The following SRP19 variants were observed in gnomAD, a reference collection of about 807,000 sequenced individuals.
SRP19 encodes the protein signal recognition particle 19.
A neutral mutation model predicts 22.4 loss-of-function variants in SRP19; 11 were observed. The observed-to-expected ratio is 0.49, with a 90% CI of 0.31 to 0.81. The LOEUF (loss-of-function observed/expected upper bound fraction) is 0.81. Ranked by LOEUF, SRP19 falls within the 40% of genes least tolerant of loss-of-function variation. The probability of loss-of-function intolerance (pLI) is 0.05; values close to 1 mark genes in which losing one functional copy is unlikely to be tolerated. For synonymous variants in SRP19, 61 were observed against 57.6 expected (o/e 1.06, Z -0.27); for missense variants, 168 against 175.9 (o/e 0.96, Z 0.25).
exon 5 of SRP19, chr5:112,892,723 T>G (rs1210029287): frequency 9.9e-6 from 16 of 1,613,910 alleles, no homozygotes; most frequent in Non-Finnish European, 1.4e-5. Flanking sequence ...TGGCTCCTCC[T>G]TTGGCAAGAA....
Position 112,867,664 on chromosome 5 carries a change from C to A in SRP19, c.*127C>A. 7.3e-7 allele frequency: 1 copy of A among 1,369,638 alleles called. No individual in the cohort carries two copies. The highest frequency in any genetic ancestry group is 9.5e-7 in the Non-Finnish European group (1 of 1,056,718). 84.8% of individuals were successfully genotyped at this position (1,369,638 alleles called of 1,614,324 possible). A position where few individuals can be genotyped will look rare whatever the true frequency, so the allele number is the denominator to read the frequency against. ...AACTGAACTGTGAACCCTTGTGCCTCTCATCTTTATCATCGGAGTTGACAG... is the reference window on the plus strand; with the variant it reads ...AACTGAACTGTGAACCCTTGTGCCTATCATCTTTATCATCGGAGTTGACAG... On this transcript the variant is annotated 3_prime_UTR_variant, in exon 5 of 5. Transcript: ENST00000505459.
intron 4 of SRP19, among the ~76,000 whole-genome samples, chr5:112,866,207 C>T (rs975854238): frequency 6.6e-6 from 1 of 151,952 alleles, no homozygotes; most frequent in East Asian, 1.9e-4. Flanking sequence ...ACCTCCGCCT[C>T]CCGGGTTCAA....
downstream of SRP19, chr5:112,897,575 G>C (rs1768730040): frequency 1.3e-5 from 2 of 152,134 alleles, no homozygotes; most frequent in Non-Finnish European, 2.9e-5. Context: ...TCTTGCTCAA[G>C]GCCAGATGTC....
At position 112,868,082 on chromosome 5, in the gene SRP19, ATATAT is replaced by A; in HGVS notation, c.*549_*553del. ...AAGCCAGTCTGTAGATGATATTTTAATATATTATTGTAATCGAATCGTTCAGTTGT... is the reference window on the plus strand; with the variant it reads ...AAGCCAGTCTGTAGATGATATTTTAATATTGTAATCGAATCGTTCAGTTGT... On this transcript the variant is annotated 3_prime_UTR_variant, in exon 5 of 5. Coordinates refer to ENST00000505459, the MANE Select transcript of SRP19 (RefSeq NM_003135.3). The A allele has an allele frequency of 2.0e-6, 2 of 985,398 alleles. No homozygotes were observed. Among genetic ancestry groups the A allele is most frequent in the East Asian group, 1.1e-4 (1 of 8,826 alleles). 61.0% of individuals were successfully genotyped at this position (985,398 alleles called of 1,614,324 possible). A position where few individuals can be genotyped will look rare whatever the true frequency, so the allele number is the denominator to read the frequency against.
intron 4 of SRP19, 116 bp from the exon 5 acceptor site, chr5:112,867,288 A>G (rs904501552): frequency 2.3e-6 from 3 of 1,277,498 alleles, no homozygotes; most frequent in Non-Finnish European, 3.2e-6. Context: ...TTTTTTAAAA[A>G]AGTTATTTTC....
chr5:112,875,611 G>T (rs1244360186), intron 4 of SRP19, among the ~76,000 whole-genome samples: 1 of 151,926 alleles, frequency 6.6e-6, no homozygotes, highest in Non-Finnish European at 1.5e-5. Flanking sequence ...CAAGCAATCC[G>T]CCCACCTCGG....
At chr5:112,862,476 A>G in intron 1 of SRP19, 32 bp from the exon 2 acceptor site, 6 of 1,597,356 alleles carry the variant, frequency 3.8e-6, no homozygotes, top group Non-Finnish European at 5.2e-6. Flanking sequence ...TTACTGCTCT[A>G]GTGATACCAC....
At chr5:112,864,095 A>G (rs1329885037) in intron 2 of SRP19, among the ~76,000 whole-genome samples, 1 of 152,240 alleles carries the variant, frequency 6.6e-6, no homozygotes, top group African/African-American at 2.4e-5. Flanking sequence ...ATTCAGCTTT[A>G]GTAGATACTA....
exon 5 of SRP19, chr5:112,891,858 G>A: frequency 6.6e-7 from 1 of 1,516,688 alleles, no homozygotes; most frequent in Non-Finnish European, 9.2e-7. Context: ...AAAGAGAGAG[G>A]GAAAGATTAC....
chr5:112,882,371 C>G (rs889623836), intron 4 of SRP19, among the ~76,000 whole-genome samples: 2 of 152,176 alleles, frequency 1.3e-5, no homozygotes, highest in African/African-American at 4.8e-5. Context: ...CAGAGTTCTT[C>G]CACCACCACT....
At chr5:112,892,884 C>A (rs764724884) in exon 5 of SRP19, 1 of 1,612,340 alleles carries the variant, frequency 6.2e-7, no homozygotes, top group South Asian at 1.1e-5. Context: ...CTCACAAACG[C>A]ACATCAAAGA....
At chr5:112,875,324 G>A (rs532063728) in intron 4 of SRP19, among the ~76,000 whole-genome samples, 4 of 151,960 alleles carry the variant, frequency 2.6e-5, no homozygotes, top group African/African-American at 7.2e-5. Flanking sequence ...GTAGGTGACC[G>A]TGCGGACCAG....
chr5:112,874,528 C>T (rs900205006), downstream of SRP19, among the ~76,000 whole-genome samples: 1 of 152,136 alleles, frequency 6.6e-6, no homozygotes, highest in Non-Finnish European at 1.5e-5. Context: ...TGAAAAGGTC[C>T]TCAGATGATT....
In SRP19 at chr5:112,885,704, C is replaced by T. The variant is rs140110988; in HGVS notation, c.302-5899C>T. The T allele has an allele frequency of 1.1e-3, 345 of 306,900 alleles. 1 individual carries two copies. The highest frequency in any genetic ancestry group is 7.0e-3 in the Middle Eastern group (14 of 1,988). 19.0% of individuals were successfully genotyped at this position (306,900 alleles called of 1,614,324 possible). On this transcript the variant is annotated intron_variant, in intron 4 of 4. Transcript: ENST00000391338. Reference sequence around the variant, plus strand: ...TCCTAACCAGCCTCCCTTTCTCTGTCAGTGGGGACATTATCAGCCAAGCTT... The same window carrying T: ...TCCTAACCAGCCTCCCTTTCTCTGTTAGTGGGGACATTATCAGCCAAGCTT...
At chr5:112,871,669 A>C (rs1461040283), downstream of SRP19, among the ~76,000 whole-genome samples, 1 of 152,168 alleles carries the variant, frequency 6.6e-6, no homozygotes, top group Non-Finnish European at 1.5e-5. Flanking sequence ...GAGGCAGGAG[A>C]ATCACTTGAA....
intron 4 of SRP19, chr5:112,878,427 T>C (rs1767962547): frequency 4.6e-6 from 1 of 219,098 alleles, no homozygotes; most frequent in African/African-American, 2.3e-5. Flanking sequence ...TTATCCTAAA[T>C]GTAACTACAG....
At chr5:112,866,407 C>T (rs1006419354) in intron 4 of SRP19, among the ~76,000 whole-genome samples, 8 of 152,208 alleles carry the variant, frequency 5.3e-5, no homozygotes, top group African/African-American at 1.4e-4. Flanking sequence ...TGAGCCACTG[C>T]GCCCAGCCAA....
chr5:112,891,625 G>C, exon 5 of SRP19: 1 of 1,588,930 alleles, frequency 6.3e-7, no homozygotes, highest in Non-Finnish European at 8.6e-7. Flanking sequence ...TGAGGGGTCA[G>C]GCGGTGCTGG....
chr5:112,892,530 T>C (rs1476768034), exon 5 of SRP19: 4 of 1,614,152 alleles, frequency 2.5e-6, no homozygotes, highest in Non-Finnish European at 3.4e-6. Flanking sequence ...GACGATGGTA[T>C]GCAGGACGAC....
Sources: gnomAD v4.1 joint callset for allele counts (sites outside exome capture counted in the v4.1 genomes callset) on GRCh38, gnomAD v4.1.1 for gene constraint, MANE v1.5 for transcripts, NCBI Gene and HGNC (gene_info 2026-07-23, HGNC 2026-07-21) for gene names.